The following LRRC72 variants were observed in gnomAD, a reference collection of about 807,000 sequenced individuals.
The protein encoded by LRRC72 is leucine rich repeat containing 72, also known as leucine-rich repeat-containing protein 72.
A neutral mutation model predicts 35.8 loss-of-function variants in LRRC72; 41 were observed. The observed-to-expected ratio is 1.15, with a 90% CI of 0.89 to 1.49. The LOEUF is 1.49. Ranked by LOEUF, LRRC72 falls within the 40% of genes most tolerant of loss-of-function variation. The pLI is 0.00. For missense variants in LRRC72, 389 were observed against 330.7 expected, an observed-to-expected ratio of 1.18 and a Z score of -1.37; for synonymous variants, 118 against 119.2, an observed-to-expected ratio of 0.99 and a Z score of 0.07.
chr7:16,552,645 T>C (rs1782573533), intron 3 of LRRC72, among the ~76,000 whole-genome samples: 1 of 152,030 alleles, frequency 6.6e-6, no homozygotes, highest in South Asian at 2.1e-4. Context: ...ACCTAAGAGG[T>C]GGGGAAAACA....
At chr7:16,541,741 G>A (rs956614131) in intron 3 of LRRC72, among the ~76,000 whole-genome samples, 2 of 152,176 alleles carry the variant, frequency 1.3e-5, no homozygotes, top group Non-Finnish European at 2.9e-5. Context: ...GTGAAACTCC[G>A]TCTCTACTAA....
chr7:16,541,502 G>A (rs1268192781), intron 3 of LRRC72, among the ~76,000 whole-genome samples: 2 of 152,162 alleles, frequency 1.3e-5, no homozygotes, highest in African/African-American at 4.8e-5. Context: ...AATCTCATAA[G>A]CTTGAAATAA....
intron 3 of LRRC72, among the ~76,000 whole-genome samples, chr7:16,552,621 A>T (rs550207978): frequency 1.5e-3 from 234 of 152,336 alleles, no homozygotes; most frequent in Non-Finnish European, 2.9e-3. Flanking sequence ...TTCTTTAAAA[A>T]ACATAAGAAC....
At chr7:16,547,880 G>A (rs1182533813) in intron 3 of LRRC72, among the ~76,000 whole-genome samples, 1 of 152,234 alleles carries the variant, frequency 6.6e-6, no homozygotes, top group Non-Finnish European at 1.5e-5. Context: ...GGGCAGAGGG[G>A]GGCAGGTCCC....
At chr7:16,528,844 A>G (rs1318718614) in intron 1 of LRRC72, among the ~76,000 whole-genome samples, 1 of 152,196 alleles carries the variant, frequency 6.6e-6, no homozygotes, top group Non-Finnish European at 1.5e-5. Context: ...CTTTCAGGGT[A>G]CCAACAAAGC....
At chr7:16,535,741 C>T (rs915166457) in intron 2 of LRRC72, among the ~76,000 whole-genome samples, 1 of 152,186 alleles carries the variant, frequency 6.6e-6, no homozygotes, top group Non-Finnish European at 1.5e-5. Flanking sequence ...GTAATTACCA[C>T]CCATGTAATT....
At chr7:16,532,658 T>C (rs1361698199) in intron 2 of LRRC72, 90 bp downstream of exon 2, 3 of 1,085,602 alleles carry the variant, frequency 2.8e-6, no homozygotes, top group Non-Finnish European at 4.1e-6. Flanking sequence ...ATTTTCCATT[T>C]TTCCCCCTCA....
At chr7:16,560,395 C>A (rs1003767217) in intron 5 of LRRC72, among the ~76,000 whole-genome samples, 1 of 152,122 alleles carries the variant, frequency 6.6e-6, no homozygotes, top group African/African-American at 2.4e-5. Context: ...TAGTTAGATT[C>A]TTTAAACCCA....
chr7:16,573,539 C>T (rs529313949), intron 7 of LRRC72, among the ~76,000 whole-genome samples: 46 of 152,204 alleles, frequency 3.0e-4, no homozygotes, highest in Non-Finnish European at 1.6e-4. Flanking sequence ...ACCTGACAAA[C>T]ACAAGCAATG....
chr7:16,555,579 C>T (rs1445554525), intron 3 of LRRC72, among the ~76,000 whole-genome samples: 1 of 152,148 alleles, frequency 6.6e-6, no homozygotes, highest in Non-Finnish European at 1.5e-5. Context: ...TCAAGACCAG[C>T]GTGGCCAACA....
At chr7:16,532,628 G>A (rs1235442144) in intron 2 of LRRC72, 60 bp downstream of exon 2, 1 of 1,251,690 alleles carries the variant, frequency 8.0e-7, no homozygotes, top group South Asian at 1.3e-5. Context: ...ATGTTAAAAT[G>A]TTTCACAGAT....
In LRRC72 at chr7:16,526,899, A is replaced by T; in HGVS notation, c.-54A>T. On this transcript the variant is annotated 5_prime_UTR_variant, in exon 1 of 9. Transcript: ENST00000401542. ...CCAAGCCAAGTCTCTCTTCGGTGCC[A>T]CCGGCGGGCGAGGCCGGATTAATCA... is the stretch of plus-strand genomic sequence containing the variant. 1 of 1,417,800 alleles carries T rather than the reference A, an allele frequency of 7.1e-7. No individual in the cohort carries two copies. Among genetic ancestry groups the T allele is most frequent in the South Asian group, 1.2e-5 (1 of 81,316 alleles). 87.8% of individuals were successfully genotyped at this position (1,417,800 alleles called of 1,614,324 possible).
At chr7:16,579,252 A>G (rs1783099318) in intron 7 of LRRC72, among the ~76,000 whole-genome samples, 3 of 152,206 alleles carry the variant, frequency 2.0e-5, no homozygotes, top group Non-Finnish European at 2.9e-5. Context: ...TTTATTTGTC[A>G]ATTATACCAC....
At position 16,533,288 on chromosome 7, in the gene LRRC72, C is replaced by T. The variant is rs73297260; in HGVS notation, c.164+720C>T. 2.0e-3 allele frequency among the ~76,000 whole-genome samples: 299 copies of T among 152,150 alleles called. 2 individuals carry two copies. Among genetic ancestry groups the T allele is most frequent in the African/African-American group, 6.8e-3 (281 of 41,500 alleles). On this transcript the variant is annotated intron_variant, in intron 2 of 8. Transcript: ENST00000401542. ...ATCAACAGACCACTTTGATTCCACTCGAACTCCCCAAGGTGGCAGACAACA... is the reference window on the plus strand; with the variant it reads ...ATCAACAGACCACTTTGATTCCACTTGAACTCCCCAAGGTGGCAGACAACA...
At chr7:16,578,345 C>T (rs1340932637) in intron 7 of LRRC72, among the ~76,000 whole-genome samples, 9 of 152,092 alleles carry the variant, frequency 5.9e-5, no homozygotes, top group East Asian at 1.9e-4. Context: ...TGGTAGCAGG[C>T]GCCTGTAATC....
chr7:16,548,302 C>T (rs577745176), intron 3 of LRRC72, among the ~76,000 whole-genome samples: 1 of 152,262 alleles, frequency 6.6e-6, no homozygotes, highest in Admixed American at 6.5e-5. Context: ...AATGGCGGGG[C>T]TAAAAGAGCC....
chr7:16,538,780 T>C (rs1436324040), intron 3 of LRRC72, among the ~76,000 whole-genome samples: 1 of 152,206 alleles, frequency 6.6e-6, no homozygotes, highest in Non-Finnish European at 1.5e-5. Context: ...TGATGGTTTT[T>C]AAAGTGGCAC....
intron 3 of LRRC72, among the ~76,000 whole-genome samples, chr7:16,545,420 T>A (rs1157901502): frequency 6.6e-6 from 1 of 152,218 alleles, no homozygotes; most frequent in Non-Finnish European, 1.5e-5. Context: ...ATGGCTGTAC[T>A]TTTTCAGGTA....
At chr7:16,560,686 T>G (rs974091232) in intron 5 of LRRC72, among the ~76,000 whole-genome samples, 3 of 128,656 alleles carry the variant, frequency 2.3e-5, no homozygotes, top group Admixed American at 7.8e-5. Flanking sequence ...GATAACTCTG[T>G]TTTTTTTTTT....
Sources: allele counts gnomAD v4.1 joint callset (sites outside exome capture counted in the v4.1 genomes callset), GRCh38; gene constraint gnomAD v4.1.1; transcripts MANE v1.5; gene names NCBI Gene and HGNC (gene_info 2026-07-23, HGNC 2026-07-21).